The following CPAMD8 variants were observed in gnomAD, a reference collection of about 807,000 sequenced individuals.
CPAMD8 encodes the protein C3 and PZP like alpha-2-macroglobulin domain containing 8.
A neutral mutation model predicts 224.7 loss-of-function variants in CPAMD8; 146 were observed. The ratio of observed to expected loss-of-function variants is 0.65; its 90% CI spans 0.57 to 0.75. CPAMD8 has a LOEUF of 0.75. Among genes scored for constraint, CPAMD8 ranks in the 30% least tolerant of loss-of-function variants. The pLI is 0.00. For missense variants in CPAMD8, 2,301 were observed against 2,537.5 expected (o/e 0.91, Z 2.00); for synonymous variants, 966 against 1,044.6 (o/e 0.92, Z 1.45).
chr19:16,973,617 G>T (rs1485350186), intron 17 of CPAMD8, among the ~76,000 whole-genome samples: 4 of 151,988 alleles, frequency 2.6e-5, no homozygotes, highest in African/African-American at 9.7e-5. Flanking sequence ...CCAAAGTGCT[G>T]GGATTACAGG....
At chr19:16,967,463 A>G (rs2054867499) in intron 18 of CPAMD8, among the ~76,000 whole-genome samples, 1 of 152,084 alleles carries the variant, frequency 6.6e-6, no homozygotes, top group Non-Finnish European at 1.5e-5. Context: ...GTGCACATGT[A>G]CCCTAGAACT....
chr19:16,991,299 T>C (rs1240812064), intron 12 of CPAMD8, among the ~76,000 whole-genome samples: 1 of 152,140 alleles, frequency 6.6e-6, no homozygotes, highest in African/African-American at 2.4e-5. Context: ...AAAGCTGTAA[T>C]TAAAAGGTGG....
chr19:17,000,389 G>T lies in CPAMD8; in HGVS notation c.867+25C>A, dbSNP rs778277790. 3.3e-6 allele frequency: 3 copies of T among 899,314 alleles called. No homozygotes were observed. The African/African-American group carries it at 4.9e-5, about 15-fold the overall frequency. The allele number at this position is 899,314 out of a possible 1,614,324, so 55.7% of individuals were successfully genotyped here. On this transcript the variant is annotated intron_variant, in intron 10 of 41. Transcript: ENST00000443236. ...GGTGAACCTGGGGGTTGGGTCAGGG[G>T]GTAGAAGGGGTCCCTGTTTCTCACC... is the stretch of plus-strand genomic sequence containing the variant.
chr19:16,915,077 G>A (rs572234680), intron 27 of CPAMD8, among the ~76,000 whole-genome samples: 26 of 152,298 alleles, frequency 1.7e-4, no homozygotes, highest in Admixed American at 9.8e-4. Context: ...CTCCTTGCTC[G>A]GCACTCAAGG....
At chr19:16,964,255 G>GT (rs2054749758) in intron 18 of CPAMD8, among the ~76,000 whole-genome samples, 1 of 152,058 alleles carries the variant, frequency 6.6e-6, no homozygotes, top group Non-Finnish European at 1.5e-5. Flanking sequence ...CCAGGAGCTG[G>GT]TTTTTTGAAA....
At chr19:16,911,843 C>G (rs1175277195) in intron 29 of CPAMD8, among the ~76,000 whole-genome samples, 2 of 152,090 alleles carry the variant, frequency 1.3e-5, no homozygotes, top group Non-Finnish European at 2.9e-5. Flanking sequence ...CACACCCAGA[C>G]AGTTTTTGTA....
At chr19:16,995,171 G>A (rs1171526330) in intron 11 of CPAMD8, among the ~76,000 whole-genome samples, 1 of 152,214 alleles carries the variant, frequency 6.6e-6, no homozygotes, top group Non-Finnish European at 1.5e-5. Flanking sequence ...TCCAACACTG[G>A]CATGGAGAAG....
At chr19:16,914,094 G>A (rs1442409071) in intron 29 of CPAMD8, among the ~76,000 whole-genome samples, 1 of 152,114 alleles carries the variant, frequency 6.6e-6, no homozygotes, top group Admixed American at 6.6e-5. Flanking sequence ...TGGGTCACTG[G>A]CCAGGAACCT....
rs761520604 is a variant in CPAMD8 at position 16,993,507 on chromosome 19, TTA to T, written c.1173_1174del (p.Asp391GlufsTer6). 1.9e-6 allele frequency: 3 copies of T among 1,613,958 alleles called. No individual in the cohort carries two copies. In the East Asian group the frequency reaches 6.7e-5, roughly 36 times the overall value. ...GGACACAACTTCACTGGTGTAGATG[TTA>T]TCCTTTGGTGTCAGCTCTGCCTTAA... On this transcript the variant is annotated frameshift_variant, in exon 12 of 42. Coordinates refer to ENST00000443236, the MANE Select transcript of CPAMD8 (RefSeq NM_015692.5). LOFTEE classifies it high-confidence loss of function.
At position 16,902,684 on chromosome 19, in the gene CPAMD8, G is replaced by C. The variant is rs1359817641; in HGVS notation, c.4650C>G (p.His1550Gln). ...CCTCCAGCATCACCTTGTATTCCTGGTGATGCTGATCGGCCGCTGGGTCAT... is the reference window on the plus strand; with the variant it reads ...CCTCCAGCATCACCTTGTATTCCTGCTGATGCTGATCGGCCGCTGGGTCAT... ...DDDDPAADQH[H>Q]QEYKVMLEVC... The change falls in exon 35 of 42, where the codon CAC (histidine) becomes CAG (glutamine). Residue 1550 changes from histidine to glutamine, a missense_variant. His to Gln is a conservative substitution (Grantham distance 24, BLOSUM62 0). This residue lies in a region of CPAMD8 where 1,709 missense variants were observed against 1,753.2 expected (regional missense o/e 0.97). Coordinates refer to ENST00000443236, the MANE Select transcript of CPAMD8 (RefSeq NM_015692.5). The C allele has an allele frequency of 2.5e-6, 4 of 1,610,022 alleles. No homozygotes were observed. The highest frequency in any genetic ancestry group is 2.1e-4 in the Middle Eastern group (1 of 4,762).
chr19:16,912,162 A>G (rs1344698548), intron 29 of CPAMD8, among the ~76,000 whole-genome samples: 1 of 152,174 alleles, frequency 6.6e-6, no homozygotes, highest in East Asian at 1.9e-4. Flanking sequence ...AAAGTGCACA[A>G]TAAATGTAAT....
chr19:16,895,589 A>G lies in CPAMD8; in HGVS notation c.5426+587T>C, dbSNP rs10424686. The G allele has an allele frequency of 4.5e-3, 1,355 of 302,164 alleles. 17 individuals carry two copies. The highest frequency in any genetic ancestry group is 0.028 in the African/African-American group (1,280 of 45,778). The allele number at this position is 302,164 out of a possible 1,614,324, so 18.7% of individuals were successfully genotyped here. ...TCCTGTGCAGATGGGCTGTTTGTTG[A>G]CTATGGTTGAGATTACACAAATCTG... On this transcript the variant is annotated intron_variant, in intron 41 of 41. Coordinates refer to ENST00000443236, the MANE Select transcript of CPAMD8 (RefSeq NM_015692.5).
intron 34 of CPAMD8, 90 bp from the exon 35 acceptor site, chr19:16,902,953 G>C: frequency 1.4e-6 from 1 of 706,804 alleles, no homozygotes. Flanking sequence ...GGGGAGGTGG[G>C]AACAGCCAGA....
Position 16,993,428 on chromosome 19 carries a change from G to A in CPAMD8, c.1254C>T (p.His418=), listed in dbSNP as rs564189038. The A allele has an allele frequency of 3.2e-5, 51 of 1,612,954 alleles. No individual in the cohort carries two copies. The African/African-American group carries it at 3.9e-4, about 12-fold the overall frequency. ...EIPSIPTSAQ[H]VWLETKVMAL... ...GGGACTCACCCACCTCCAGCCACACGTGCTGGGCTGACGTGGGGATGGAGG... is the reference window on the plus strand; with the variant it reads ...GGGACTCACCCACCTCCAGCCACACATGCTGGGCTGACGTGGGGATGGAGG... Residue 418 remains histidine, a synonymous_variant, in exon 12 of 42, where the codon CAC becomes CAT. Coordinates refer to ENST00000443236, the MANE Select transcript of CPAMD8 (RefSeq NM_015692.5).
intron 18 of CPAMD8, among the ~76,000 whole-genome samples, chr19:16,968,006 G>C (rs570571532): frequency 1.6e-5 from 2 of 127,894 alleles, no homozygotes; most frequent in Non-Finnish European, 3.3e-5. Flanking sequence ...ACTTGATTTT[G>C]AAGGCATTTC....
At chr19:16,993,711 C>T in intron 11 of CPAMD8, 125 bp from the exon 12 acceptor site, 1 of 878,334 alleles carries the variant, frequency 1.1e-6, no homozygotes, top group African/African-American at 1.7e-5. Context: ...ACAAACTGCT[C>T]CTGAAATTCA....
At position 16,939,998 on chromosome 19, in the gene CPAMD8, C is replaced by T. The variant is rs369993837; in HGVS notation, c.2794-1552G>A. ...CGCGATCTCGGTTCACTACAACCTCCGCCTCCTGAGTTCAAATGATCTTCC... is the reference window on the plus strand; with the variant it reads ...CGCGATCTCGGTTCACTACAACCTCTGCCTCCTGAGTTCAAATGATCTTCC... On this transcript the variant is annotated intron_variant, in intron 22 of 41. Transcript: ENST00000443236. Among the ~76,000 whole-genome samples the T allele has an allele frequency of 4.0e-5, 6 of 151,838 alleles. No homozygotes were observed. The South Asian group carries it at 8.3e-4, about 21-fold the overall frequency.
intron 23 of CPAMD8, among the ~76,000 whole-genome samples, chr19:16,933,371 A>G (rs59608980): frequency 0.05 from 7,538 of 152,278 alleles, 634 homozygotes; most frequent in African/African-American, 0.17. Context: ...CTCAAAAGAT[A>G]TAATTAAGAG....
intron 13 of CPAMD8, among the ~76,000 whole-genome samples, chr19:16,981,107 CT>C (rs377588591): frequency 0.011 from 1,698 of 148,012 alleles, 71 homozygotes; most frequent in African/African-American, 0.032. Flanking sequence ...AATCCCAGCA[CT>C]TTGGGGGGCT....
Sources: gnomAD v4.1 joint callset for allele counts (sites outside exome capture counted in the v4.1 genomes callset) on GRCh38, gnomAD v4.1.1 for gene constraint, gnomAD v4.1.1 regional missense constraint, MANE v1.5 for transcripts, NCBI Gene and HGNC (gene_info 2026-07-23, HGNC 2026-07-21) for gene names.